CRB1: variants seen among roughly 807,000 people sequenced by gnomAD.
CRB1 encodes the protein crumbs cell polarity complex component 1.
CRB1 carries 83 observed loss-of-function variants against 120.0 expected under a neutral mutation model. That is an observed-to-expected ratio of 0.69 (90% CI 0.58 to 0.83). CRB1 has a LOEUF of 0.83. CRB1 is among the 40% of genes least tolerant of loss of function. The pLI is 0.00. For synonymous variants in CRB1, 625 were observed against 612.5 expected (o/e 1.02, Z -0.30); for missense variants, 1,699 against 1,687.6 (o/e 1.01, Z -0.12).
chr1:197,451,785 T>C (rs1234082595), intron 11 of CRB1, among the ~76,000 whole-genome samples: 1 of 152,246 alleles, frequency 6.6e-6, no homozygotes, highest in Non-Finnish European at 1.5e-5. Flanking sequence ...CTTTTCTTCT[T>C]AATGTCATAT....
At chr1:197,316,405 C>CG (rs34663860) in intron 1 of CRB1, among the ~76,000 whole-genome samples, 105,208 of 151,644 alleles carry the variant, frequency 0.69, 36,694 homozygotes, top group East Asian at 0.92. Context: ...AAGATGGTCT[C>CG]ATCTCCTGAC....
rs114844433 is a variant in CRB1 at position 197,382,841 on chromosome 1, G to A, written c.1171+25828G>A. Among the ~76,000 whole-genome samples the A allele has an allele frequency of 3.6e-3, 541 of 152,242 alleles. 1 individual carries two copies. The highest frequency in any genetic ancestry group is 0.013 in the African/African-American group (520 of 41,542). On this transcript the variant is annotated intron_variant, in intron 5 of 11. Transcript: ENST00000367400. ...TGCCTTTGCACAGTTTACAGTCTTG[G>A]GAAGGAGAGAGACAAGAAAGGTACA...
At chr1:197,451,048 G>C (rs1362713713) in intron 11 of CRB1, among the ~76,000 whole-genome samples, 2 of 151,054 alleles carry the variant, frequency 1.3e-5, no homozygotes, top group Non-Finnish European at 2.9e-5. Context: ...ATAAGAGGAA[G>C]CAAGTTAACA....
intron 1 of CRB1, among the ~76,000 whole-genome samples, chr1:197,275,183 A>G (rs913259631): frequency 2.6e-5 from 4 of 151,940 alleles, no homozygotes; most frequent in Non-Finnish European, 5.9e-5. Flanking sequence ...GAGTAGATTC[A>G]CCCTAATGAC....
At chr1:197,232,424 T>C in the CRB1 span, among the ~76,000 whole-genome samples, 2 of 151,726 alleles carry the variant, frequency 1.3e-5, no homozygotes, top group African/African-American at 4.8e-5. Flanking sequence ...GTCAGGTCGA[T>C]GCAGTTACAA....
intron 4 of CRB1, among the ~76,000 whole-genome samples, chr1:197,353,576 G>A (rs577590207): frequency 1.1e-4 from 16 of 152,166 alleles, no homozygotes; most frequent in African/African-American, 3.6e-4. Context: ...CGAGGCGCGT[G>A]GATCACCTAA....
At chr1:197,255,704 C>A in the CRB1 span, among the ~76,000 whole-genome samples, 1 of 151,772 alleles carries the variant, frequency 6.6e-6, no homozygotes, top group Non-Finnish European at 1.5e-5. Flanking sequence ...ACTCCATTTT[C>A]AAAACAAAAC....
the CRB1 span, among the ~76,000 whole-genome samples, chr1:197,255,359 T>C: frequency 1.2e-4 from 19 of 152,232 alleles, no homozygotes; most frequent in African/African-American, 4.3e-4. Context: ...ATTCTATTCA[T>C]ATCTATTCTC....
the CRB1 span, among the ~76,000 whole-genome samples, chr1:197,262,562 G>A: frequency 1.3e-5 from 2 of 152,036 alleles, no homozygotes; most frequent in Non-Finnish European, 2.9e-5. Context: ...GATACCGGGG[G>A]TAGATGTGCA....
intron 1 of CRB1, among the ~76,000 whole-genome samples, chr1:197,294,930 T>C (rs1351622685): frequency 6.6e-6 from 1 of 151,994 alleles, no homozygotes; most frequent in Non-Finnish European, 1.5e-5. Flanking sequence ...AGGGGAGGGA[T>C]AGCATTAGGA....
At chr1:197,460,054 T>C (rs1026960129) in intron 11 of CRB1, among the ~76,000 whole-genome samples, 5 of 145,814 alleles carry the variant, frequency 3.4e-5, no homozygotes, top group Admixed American at 1.4e-4. Flanking sequence ...AAGTTCTTAA[T>C]TGAGGATTTT....
intron 11 of CRB1, among the ~76,000 whole-genome samples, chr1:197,474,063 G>C (rs952992485): frequency 2.0e-5 from 3 of 152,152 alleles, no homozygotes; most frequent in Admixed American, 2.0e-4. Flanking sequence ...ATACTGCAAC[G>C]TCCTGAGGGA....
intron 11 of CRB1, 105 bp downstream of exon 11, chr1:197,442,397 G>A: frequency 6.2e-7 from 1 of 1,605,392 alleles, no homozygotes; most frequent in Middle Eastern, 1.7e-4. Context: ...TTGTTGAGTG[G>A]GGTGAACAGG....
At chr1:197,233,914 A>T in the CRB1 span, among the ~76,000 whole-genome samples, 1 of 152,196 alleles carries the variant, frequency 6.6e-6, no homozygotes. Flanking sequence ...AGAGACATTT[A>T]TCAGTCCTAC....
intron 11 of CRB1, among the ~76,000 whole-genome samples, chr1:197,460,518 T>C (rs1335393534): frequency 2.6e-5 from 4 of 152,130 alleles, no homozygotes. Context: ...CCAAGGGTTG[T>C]GCCTTCTCTG....
At chr1:197,227,104 A>C in the CRB1 span, among the ~76,000 whole-genome samples, 1 of 152,136 alleles carries the variant, frequency 6.6e-6, no homozygotes. Flanking sequence ...TCATGTCCTC[A>C]TATTTCAAAA....
intron 1 of CRB1, among the ~76,000 whole-genome samples, chr1:197,309,475 C>T (rs1657380281): frequency 6.6e-6 from 1 of 152,146 alleles, no homozygotes; most frequent in African/African-American, 2.4e-5. Flanking sequence ...AAATTTACGG[C>T]CAGGCGCTGT....
intron 2 of CRB1, among the ~76,000 whole-genome samples, chr1:197,335,421 T>C (rs1238294223): frequency 6.6e-6 from 1 of 152,184 alleles, no homozygotes; most frequent in Admixed American, 6.5e-5. Context: ...TAAGGGAGGT[T>C]AATACAATAG....
intron 1 of CRB1, among the ~76,000 whole-genome samples, chr1:197,282,430 A>C (rs1299635901): frequency 1.3e-5 from 2 of 151,862 alleles, no homozygotes; most frequent in African/African-American, 2.4e-5. Context: ...TTCTAGGAGA[A>C]ATAGTTGAAA....
Sources: gnomAD v4.1 joint callset for allele counts (sites outside exome capture counted in the v4.1 genomes callset) on GRCh38, gnomAD v4.1.1 for gene constraint, MANE v1.5 for transcripts, NCBI Gene and HGNC (gene_info 2026-07-23, HGNC 2026-07-21) for gene names.